The following CACNA1D variants were observed in gnomAD, a reference collection of about 807,000 sequenced individuals.
CACNA1D encodes the protein calcium voltage-gated channel subunit alpha1 D, also known as voltage-dependent L-type calcium channel subunit alpha-1D.
Under a neutral mutation model 257.1 loss-of-function variants are expected in CACNA1D, and 55 were observed. That is an observed-to-expected ratio of 0.21 (90% CI 0.17 to 0.27). The LOEUF (loss-of-function observed/expected upper bound fraction) is 0.27. Ranked by LOEUF, CACNA1D falls within the 10% of genes least tolerant of loss-of-function variation. CACNA1D has a pLI of 1.00. For synonymous variants in CACNA1D, 980 were observed against 1,014.9 expected, an observed-to-expected ratio of 0.97 and a Z score of 0.65; for missense variants, 1,876 against 2,784.0, an observed-to-expected ratio of 0.67 and a Z score of 7.34.
At chr3:53,693,130 G>A (rs960357937) in intron 8 of CACNA1D, among the ~76,000 whole-genome samples, 20 of 152,122 alleles carry the variant, frequency 1.3e-4, no homozygotes, top group African/African-American at 3.9e-4. Context: ...CCATTTTCTC[G>A]TCCTTTTTGC....
rs537528309 is a variant in CACNA1D at position 53,499,044 on chromosome 3, C to T, written c.377+1583C>T. On this transcript the variant is annotated intron_variant, in intron 2 of 47. Transcript: ENST00000350061. ...AGGAAGACCTCAGACTGGCTTGACACGACTCTGAGTAAGCAGAGACCTCTT... is the reference window on the plus strand; with the variant it reads ...AGGAAGACCTCAGACTGGCTTGACATGACTCTGAGTAAGCAGAGACCTCTT... 1.2e-4 allele frequency among the ~76,000 whole-genome samples: 18 copies of T among 152,296 alleles called. No homozygotes were observed. The South Asian group carries it at 3.5e-3, about 30-fold the overall frequency.
At chr3:53,501,585 A>G (rs773439379) in intron 2 of CACNA1D, 30 bp from the exon 3 acceptor site, 2 of 1,133,146 alleles carry the variant, frequency 1.8e-6, no homozygotes, top group East Asian at 2.3e-5. Context: ...TGTTTCCATA[A>G]CACATATATA....
chr3:53,531,026 T>TC (rs2091933201), intron 3 of CACNA1D, among the ~76,000 whole-genome samples: 1 of 150,424 alleles, frequency 6.6e-6, no homozygotes, highest in East Asian at 1.9e-4. Flanking sequence ...TAATTTTTTT[T>TC]TTTTTTTTTT....
chr3:53,543,674 C>T lies in CACNA1D; in HGVS notation c.483+41954C>T, dbSNP rs72964388. On this transcript the variant is annotated intron_variant, in intron 3 of 47. Coordinates refer to ENST00000350061, the MANE Select transcript of CACNA1D (RefSeq NM_001128840.3). ...CAGGAACAAAGCCTGTGACATGTACCATTGTCTTATTTAGCTCTCAGAATC... is the reference window on the plus strand; with the variant it reads ...CAGGAACAAAGCCTGTGACATGTACTATTGTCTTATTTAGCTCTCAGAATC... Among the ~76,000 whole-genome samples, 961 of 152,228 alleles carry T rather than the reference C, an allele frequency of 6.3e-3. 9 individuals carry two copies. Among genetic ancestry groups the T allele is most frequent in the African/African-American group, 0.022 (928 of 41,522 alleles).
rs375059657 is a variant in CACNA1D at position 53,666,472 on chromosome 3, C to T, written c.1053C>T (p.Ala351=). ...GCATCACCAACTTTGATAACTTTGCCTTTGCCATGCTTACTGTGTTTCAGT... is the reference window on the plus strand; with the variant it reads ...GCATCACCAACTTTGATAACTTTGCTTTTGCCATGCTTACTGTGTTTCAGT... ...NGGITNFDNF[A]FAMLTVFQCI... The change falls in exon 7 of 48, where the codon GCC becomes GCT. Residue 351 remains alanine, a synonymous_variant. Transcript: ENST00000350061. The T allele has an allele frequency of 3.7e-6, 6 of 1,614,196 alleles. No homozygotes were observed. Among genetic ancestry groups the T allele is most frequent in the East Asian group, 4.5e-5 (2 of 44,874 alleles).
chr3:53,758,105 G>A (rs1028979093), intron 29 of CACNA1D, among the ~76,000 whole-genome samples: 1 of 152,164 alleles, frequency 6.6e-6, no homozygotes, highest in Non-Finnish European at 1.5e-5. Flanking sequence ...CAGCCTCTGG[G>A]CATGAGACGA....
intron 40 of CACNA1D, chr3:53,799,805 A>C: frequency 3.9e-6 from 1 of 254,726 alleles, no homozygotes; most frequent in South Asian, 5.3e-5. Flanking sequence ...AGGCTTCCTC[A>C]TCCTAGATGC....
At chr3:53,761,928 C>G in intron 29 of CACNA1D, 70 bp from the exon 30 acceptor site, 1 of 1,095,338 alleles carries the variant, frequency 9.1e-7, no homozygotes, top group Admixed American at 1.7e-5. Context: ...TCGGATTCGC[C>G]CCTATACGGT....
At chr3:53,685,019 A>G (rs1280715760) in intron 8 of CACNA1D, among the ~76,000 whole-genome samples, 1 of 152,218 alleles carries the variant, frequency 6.6e-6, no homozygotes, top group African/African-American at 2.4e-5. Context: ...CAACAACGAG[A>G]TGGTAGACAA....
In CACNA1D at chr3:53,601,392, G is replaced by A. The variant is rs148063632; in HGVS notation, c.484-49387G>A. Among the ~76,000 whole-genome samples the A allele has an allele frequency of 8.2e-3, 1,252 of 152,306 alleles. 23 individuals are homozygous for A. The highest frequency in any genetic ancestry group is 0.028 in the African/African-American group (1,164 of 41,548). On this transcript the variant is annotated intron_variant, in intron 3 of 47. Transcript: ENST00000350061. ...TTTACCAAGATCTACCCCTCTTGGG[G>A]CTGTGCTCCCTGGTTAAGAACAGCT...
Position 53,774,812 on chromosome 3 carries a change from T to C in CACNA1D, c.4202+134T>C. ...ATTGTGATGGCTTTTTGTTTTTGTT[T>C]GTTCTGTATTCTTAAACACAGACCC... On this transcript the variant is annotated intron_variant, in intron 34 of 47. Coordinates refer to ENST00000350061, the MANE Select transcript of CACNA1D (RefSeq NM_001128840.3). The surrounding 1 kb of genome is among the most constrained non-coding windows in gnomAD (Gnocchi z 4.3). 1 of 648,594 alleles carries C rather than the reference T, an allele frequency of 1.5e-6. No individual in the cohort carries two copies. Among genetic ancestry groups the C allele is most frequent in the Non-Finnish European group, 2.8e-6 (1 of 359,482 alleles). 40.2% of individuals were successfully genotyped at this position (648,594 alleles called of 1,614,324 possible).
intron 47 of CACNA1D, 83 bp downstream of exon 47, chr3:53,810,381 G>A: frequency 7.2e-7 from 1 of 1,381,018 alleles, no homozygotes; most frequent in Non-Finnish European, 1.0e-6. Flanking sequence ...GGGCAGTGGT[G>A]GGAGGGCGGC....
At chr3:53,553,140 T>C (rs1458327167) in intron 3 of CACNA1D, among the ~76,000 whole-genome samples, 2 of 152,244 alleles carry the variant, frequency 1.3e-5, no homozygotes, top group Non-Finnish European at 1.5e-5. Context: ...TTTAAAGTAA[T>C]GCTGTTTTAC....
chr3:53,513,194 T>C (rs939227845), intron 3 of CACNA1D, among the ~76,000 whole-genome samples: 2 of 152,212 alleles, frequency 1.3e-5, no homozygotes, highest in African/African-American at 4.8e-5. Context: ...GCTTTCTATA[T>C]AGGGTCCTGT....
chr3:53,672,987 T>A (rs1459863766), intron 7 of CACNA1D, 36 bp from the exon 8 acceptor site: 1 of 1,360,674 alleles, frequency 7.3e-7, no homozygotes, highest in Non-Finnish European at 1.0e-6. Context: ...ATCCTCTTAT[T>A]AACCCACTCC....
In CACNA1D at chr3:53,770,526, C is replaced by T; in HGVS notation, c.4018C>T (p.Leu1340=). The change falls in exon 32 of 48, where the codon CTG becomes TTG. Residue 1340 remains leucine, a synonymous_variant. Transcript: ENST00000350061. Reference sequence around the variant, plus strand: ...CAGGGGGGAAGGCATCCGGACATTGCTGTGGACTTTTATTAAGTCCTTTCA... The same window carrying T: ...CAGGGGGGAAGGCATCCGGACATTGTTGTGGACTTTTATTAAGTCCTTTCA... The part of the protein sequence containing the change: ...LSRGEGIRTL[L]WTFIKSFQAL... 1 of 1,613,828 alleles carries T rather than the reference C, an allele frequency of 6.2e-7. No homozygotes were observed. The highest frequency in any genetic ancestry group is 8.5e-7 in the Non-Finnish European group (1 of 1,179,706).
chr3:53,674,771 G>A (rs1049291377), intron 8 of CACNA1D, among the ~76,000 whole-genome samples: 1 of 152,184 alleles, frequency 6.6e-6, no homozygotes, highest in South Asian at 2.1e-4. Context: ...GTTGTGGGGG[G>A]CAGGCAGGAT....
chr3:53,709,677 C>G (rs540829615), intron 9 of CACNA1D, among the ~76,000 whole-genome samples: 81 of 152,286 alleles, frequency 5.3e-4, no homozygotes, highest in African/African-American at 1.9e-3. Flanking sequence ...TTAGAGTGAT[C>G]ATGGAATCAT....
At chr3:53,777,623 TG>T (rs2095405275) in intron 37 of CACNA1D, among the ~76,000 whole-genome samples, 1 of 152,134 alleles carries the variant, frequency 6.6e-6, no homozygotes, top group Non-Finnish European at 1.5e-5. Context: ...GCCTCGGCAT[TG>T]GGGGACATGG....
Sources: allele counts gnomAD v4.1 joint callset (sites outside exome capture counted in the v4.1 genomes callset), GRCh38; gene constraint gnomAD v4.1.1; non-coding constraint Gnocchi (gnomAD v3.1); transcripts MANE v1.5; gene names NCBI Gene and HGNC (gene_info 2026-07-23, HGNC 2026-07-21).